The following XXYLT1 variants were observed in gnomAD, a reference collection of about 807,000 sequenced individuals.
XXYLT1 encodes the protein UDP-xylose:alpha-xyloside alpha-1,3-xylosyltransferase.
In XXYLT1, 20 loss-of-function variants were observed where a neutral mutation model predicts 28.9. The ratio of observed to expected loss-of-function variants is 0.69; its 90% CI spans 0.49 to 1.00. The LOEUF is 1.00. Ranked by LOEUF, XXYLT1 falls within the 50% of genes least tolerant of loss-of-function variation. XXYLT1 has a pLI of 0.00. For synonymous variants in XXYLT1, 257 were observed against 253.8 expected (o/e 1.01, Z -0.12); for missense variants, 542 against 560.1 (o/e 0.97, Z 0.33).
At chr3:195,243,567 T>A (rs944511750) in intron 1 of XXYLT1, among the ~76,000 whole-genome samples, 4 of 152,208 alleles carry the variant, frequency 2.6e-5, no homozygotes, top group African/African-American at 9.7e-5. Context: ...GACAGACAGA[T>A]AATTGAGTGA....
At chr3:195,200,839 C>T (rs900155682) in intron 2 of XXYLT1, among the ~76,000 whole-genome samples, 2 of 152,262 alleles carry the variant, frequency 1.3e-5, no homozygotes, top group South Asian at 4.2e-4. Context: ...AACAGGAGCT[C>T]ACGGGTCCGC....
intron 2 of XXYLT1, among the ~76,000 whole-genome samples, chr3:195,166,023 G>GAT (rs1163282621): frequency 6.6e-6 from 1 of 152,004 alleles, no homozygotes; most frequent in Non-Finnish European, 1.5e-5. Flanking sequence ...TTATGAGTCT[G>GAT]ATAAGAATGA....
chr3:195,129,547 C>A lies in XXYLT1; in HGVS notation c.785+26902G>T, dbSNP rs921881914. On this transcript the variant is annotated intron_variant, in intron 3 of 3. Coordinates refer to ENST00000310380, the MANE Select transcript of XXYLT1 (RefSeq NM_152531.5). This position sits in a 1 kb window ranked among gnomAD's most constrained non-coding sequence, Gnocchi z 4.4. ...AATGCTTTCAAGGTGCATCGTGCTGCGGCATGTATCAATTCTTCATTCCCT... is the reference window on the plus strand; with the variant it reads ...AATGCTTTCAAGGTGCATCGTGCTGAGGCATGTATCAATTCTTCATTCCCT... Among the ~76,000 whole-genome samples, 3 of 152,154 alleles carry A rather than the reference C, an allele frequency of 2.0e-5. No homozygotes were observed. Among genetic ancestry groups the A allele is most frequent in the Admixed American group, 2.0e-4 (3 of 15,280 alleles).
chr3:195,156,438 T>C lies in XXYLT1; in HGVS notation c.785+11A>G, dbSNP rs763842638. On this transcript the variant is annotated intron_variant, in intron 3 of 3. Transcript: ENST00000310380. ...GGTCGTGGAGGCGGCCCCCCTGCAG[T>C]CATGACGCACCTGTAAACTGGCTGC... 2.5e-6 allele frequency: 4 copies of C among 1,612,908 alleles called. No homozygotes were observed. In the South Asian group the frequency reaches 3.3e-5, roughly 13 times the overall value.
intron 3 of XXYLT1, among the ~76,000 whole-genome samples, chr3:195,143,518 A>C (rs1437534150): frequency 6.6e-6 from 1 of 152,092 alleles, no homozygotes; most frequent in African/African-American, 2.4e-5. Flanking sequence ...ACACAAAACA[A>C]AACACAGAAC....
At chr3:195,119,597 T>C (rs1451705645) in intron 3 of XXYLT1, among the ~76,000 whole-genome samples, 1 of 152,100 alleles carries the variant, frequency 6.6e-6, no homozygotes, top group Admixed American at 6.5e-5. Flanking sequence ...GCACAGAGTA[T>C]ATGGCCTGAC....
intron 3 of XXYLT1, among the ~76,000 whole-genome samples, chr3:195,120,833 C>A (rs896350424): frequency 2.0e-5 from 3 of 152,162 alleles, no homozygotes; most frequent in Non-Finnish European, 4.4e-5. Flanking sequence ...AGAGGGTGTG[C>A]GGCCTGGCTG....
intron 3 of XXYLT1, among the ~76,000 whole-genome samples, chr3:195,091,207 A>G (rs565426366): frequency 2.2e-5 from 3 of 137,206 alleles, no homozygotes; most frequent in Non-Finnish European, 4.6e-5. Flanking sequence ...TACCAAAGCC[A>G]GGCAGAGACA....
chr3:195,136,018 G>C (rs4677810), intron 3 of XXYLT1, among the ~76,000 whole-genome samples: 51,035 of 152,028 alleles, frequency 0.34, 9,886 homozygotes, highest in East Asian at 0.68. Flanking sequence ...ACACCACTGA[G>C]ATTTCCCAAT....
intron 2 of XXYLT1, among the ~76,000 whole-genome samples, chr3:195,225,692 T>A (rs780581401): frequency 1.2e-4 from 18 of 151,180 alleles, no homozygotes; most frequent in Admixed American, 7.2e-4. Flanking sequence ...CCAAATCTCA[T>A]CTTGAATTGT....
rs114455619 is a variant in XXYLT1, at chr3:195,227,904, G to A, written c.505-1048C>T. On this transcript the variant is annotated intron_variant, in intron 1 of 3. Coordinates refer to ENST00000310380, the MANE Select transcript of XXYLT1 (RefSeq NM_152531.5). ...CTAACTCTACTCCAGAAGATGAGAA[G>A]TATGGCCCATGCGCAGCCCCAGCTT... Among the ~76,000 whole-genome samples the A allele has an allele frequency of 5.7e-3, 863 of 152,358 alleles. 16 individuals carry two copies. Among genetic ancestry groups the A allele is most frequent in the African/African-American group, 0.02 (831 of 41,578 alleles).
intron 3 of XXYLT1, chr3:195,093,630 T>C (rs1210235826): frequency 6.6e-6 from 1 of 151,400 alleles, no homozygotes; most frequent in Non-Finnish European, 1.5e-5. Flanking sequence ...TGTATACATA[T>C]GTAACTAACC....
At chr3:195,091,044 C>T (rs904325358) in intron 3 of XXYLT1, among the ~76,000 whole-genome samples, 262 of 147,278 alleles carry the variant, frequency 1.8e-3, no homozygotes, top group Non-Finnish European at 2.7e-3. Context: ...AATAGCTTAC[C>T]AATCAAAAAG....
At chr3:195,158,717 C>T (rs1720725810) in intron 2 of XXYLT1, among the ~76,000 whole-genome samples, 1 of 152,256 alleles carries the variant, frequency 6.6e-6, no homozygotes, top group South Asian at 2.1e-4. Context: ...TTCCCGGAGG[C>T]CAACAGGCCC....
At chr3:195,093,021 C>G (rs1444848741) in intron 3 of XXYLT1, among the ~76,000 whole-genome samples, 1 of 93,490 alleles carries the variant, frequency 1.1e-5, no homozygotes, top group Non-Finnish European at 1.9e-5. Flanking sequence ...ATTAAAAAGT[C>G]AGGAAACAAC....
In XXYLT1 at chr3:195,129,497, G is replaced by A. The variant is rs1035521696; in HGVS notation, c.785+26952C>T. 6.6e-6 allele frequency among the ~76,000 whole-genome samples: 1 copy of A among 152,178 alleles called. No homozygotes were observed. Among genetic ancestry groups the A allele is most frequent in the South Asian group, 2.1e-4 (1 of 4,830 alleles). On this transcript the variant is annotated intron_variant, in intron 3 of 3. Coordinates refer to ENST00000310380, the MANE Select transcript of XXYLT1 (RefSeq NM_152531.5). This position sits in a 1 kb window ranked among gnomAD's most constrained non-coding sequence, Gnocchi z 4.4. ...ATGGACGCATATAGTGCGGTCTTCTGTGACGGGCTTCTTTCACTCGTCTTA... is the reference window on the plus strand; with the variant it reads ...ATGGACGCATATAGTGCGGTCTTCTATGACGGGCTTCTTTCACTCGTCTTA...
chr3:195,069,425 C>T lies in XXYLT1; in HGVS notation c.*290G>A. On this transcript the variant is annotated 3_prime_UTR_variant, in exon 4 of 4. Coordinates refer to ENST00000310380, the MANE Select transcript of XXYLT1 (RefSeq NM_152531.5). Reference sequence around the variant, plus strand: ...AGGCAGACAGCAAGGGGGACCCTTTCTCCCCTTCCTTCTCTTCAAGTGCTT... The same window carrying T: ...AGGCAGACAGCAAGGGGGACCCTTTTTCCCCTTCCTTCTCTTCAAGTGCTT... The T allele has an allele frequency of 2.5e-6, 1 of 401,592 alleles. No individual in the cohort carries two copies. Among genetic ancestry groups the T allele is most frequent in the Non-Finnish European group, 4.4e-6 (1 of 224,772 alleles). 24.9% of individuals were successfully genotyped at this position (401,592 alleles called of 1,614,324 possible).
intron 1 of XXYLT1, among the ~76,000 whole-genome samples, chr3:195,228,035 A>G (rs1560163384): frequency 6.6e-6 from 1 of 152,172 alleles, no homozygotes; most frequent in Non-Finnish European, 1.5e-5. Flanking sequence ...GACACACAGG[A>G]GGCACTCAAG....
At chr3:195,111,731 G>A (rs191604814) in intron 3 of XXYLT1, among the ~76,000 whole-genome samples, 30 of 152,282 alleles carry the variant, frequency 2.0e-4, no homozygotes, top group African/African-American at 5.8e-4. Flanking sequence ...TGTCTTCAAC[G>A]TGGTAAGATT....
Sources: allele counts gnomAD v4.1 joint callset (sites outside exome capture counted in the v4.1 genomes callset), GRCh38; gene constraint gnomAD v4.1.1; non-coding constraint Gnocchi (gnomAD v3.1); transcripts MANE v1.5; gene names NCBI Gene and HGNC (gene_info 2026-07-23, HGNC 2026-07-21).